The following WWOX variants were observed in gnomAD, a reference collection of about 807,000 sequenced individuals.
The protein encoded by WWOX is WW domain-containing oxidoreductase.
In WWOX, 69 loss-of-function variants were observed where a neutral mutation model predicts 46.2. The ratio of observed to expected loss-of-function variants is 1.49; its 90% CI spans 1.23 to 1.82. The LOEUF is 1.82. Among genes scored for constraint, WWOX ranks in the 40% most tolerant of loss-of-function variants. The probability of loss-of-function intolerance (pLI) is 0.00; values close to 1 mark genes in which losing one functional copy is unlikely to be tolerated. For synonymous variants in WWOX, 359 were observed against 202.6 expected, an observed-to-expected ratio of 1.77 and a Z score of -6.56; for missense variants, 919 against 542.6, an observed-to-expected ratio of 1.69 and a Z score of -6.89.
intron 8 of WWOX, among the ~76,000 whole-genome samples, chr16:78,807,633 G>A (rs1316686729): frequency 2.0e-5 from 3 of 152,194 alleles, no homozygotes; most frequent in Non-Finnish European, 4.4e-5. Context: ...ATGGCTTATG[G>A]AAAGAAATAT....
intron 8 of WWOX, among the ~76,000 whole-genome samples, chr16:79,052,657 G>A (rs555747794): frequency 2.9e-4 from 44 of 152,266 alleles, no homozygotes; most frequent in African/African-American, 8.2e-4. Flanking sequence ...AATGGAAACC[G>A]GACACAGCAG....
intron 8 of WWOX, among the ~76,000 whole-genome samples, chr16:78,583,922 T>G (rs1230465175): frequency 2.0e-5 from 3 of 152,334 alleles, no homozygotes; most frequent in African/African-American, 7.2e-5. Context: ...CTCACAAAAC[T>G]GCTATGTGAC....
intron 8 of WWOX, among the ~76,000 whole-genome samples, chr16:79,050,095 T>C (rs2048138154): frequency 6.6e-6 from 1 of 152,146 alleles, no homozygotes; most frequent in Non-Finnish European, 1.5e-5. Flanking sequence ...AGTGACTTGG[T>C]TGCTGCTGCT....
Position 79,212,638 on chromosome 16 carries a change from T to C in WWOX, c.*842T>C, listed in dbSNP as rs391870. 0.56 allele frequency: 86,585 copies of C among 153,516 alleles called. 25,209 individuals are homozygous for C. Among genetic ancestry groups the C allele is most frequent in the Non-Finnish European group, 0.61 (42,367 of 68,938 alleles). 9.5% of individuals were successfully genotyped at this position (153,516 alleles called of 1,614,324 possible). ...ACCTCCTGCTGTGCCTCGCATCCTA[T>C]GCTTAATAAAAGAACATGCTTGAAT... On this transcript the variant is annotated 3_prime_UTR_variant, in exon 9 of 9. Coordinates refer to ENST00000566780, the MANE Select transcript of WWOX (RefSeq NM_016373.4).
intron 8 of WWOX, among the ~76,000 whole-genome samples, chr16:78,974,732 C>A (rs8055295): frequency 6.6e-6 from 1 of 151,908 alleles, no homozygotes; most frequent in African/African-American, 2.4e-5. Flanking sequence ...AACCCCAAGA[C>A]CCACACTTGG....
intron 5 of WWOX, among the ~76,000 whole-genome samples, chr16:78,239,455 C>A (rs2037555426): frequency 6.6e-6 from 1 of 152,146 alleles, no homozygotes; most frequent in Admixed American, 6.5e-5. Flanking sequence ...GTGTTATTGT[C>A]AAGGGATCTT....
chr16:78,680,235 C>G (rs1434803333), intron 8 of WWOX, among the ~76,000 whole-genome samples: 1 of 152,050 alleles, frequency 6.6e-6, no homozygotes, highest in Non-Finnish European at 1.5e-5. Context: ...CATAACGAGA[C>G]CCGTCTCTGC....
At chr16:78,330,347 A>G (rs1449077188) in intron 5 of WWOX, among the ~76,000 whole-genome samples, 2 of 152,196 alleles carry the variant, frequency 1.3e-5, no homozygotes, top group African/African-American at 2.4e-5. Flanking sequence ...CCAAAGCTCT[A>G]TGTAAATGTC....
chr16:78,596,838 G>T (rs2045503079), intron 8 of WWOX, among the ~76,000 whole-genome samples: 1 of 152,080 alleles, frequency 6.6e-6, no homozygotes, highest in African/African-American at 2.4e-5. Flanking sequence ...TGTGATCTCA[G>T]CAGTGATGGG....
At chr16:78,608,906 C>G (rs2045830469) in intron 8 of WWOX, among the ~76,000 whole-genome samples, 1 of 152,170 alleles carries the variant, frequency 6.6e-6, no homozygotes, top group Non-Finnish European at 1.5e-5. Flanking sequence ...ACCTCGGAAA[C>G]TTCCTATATG....
intron 5 of WWOX, among the ~76,000 whole-genome samples, chr16:78,290,548 G>C (rs1304532297): frequency 1.3e-5 from 2 of 152,142 alleles, no homozygotes; most frequent in East Asian, 1.9e-4. Context: ...TTTATGAAGA[G>C]AGTGTAGAGT....
At chr16:78,930,552 A>C (rs76254701) in intron 8 of WWOX, among the ~76,000 whole-genome samples, 6,218 of 150,518 alleles carry the variant, frequency 0.041, 178 homozygotes, top group Middle Eastern at 0.066. Flanking sequence ...CAGCCTCCCA[A>C]AGTGCTGGGA....
intron 8 of WWOX, among the ~76,000 whole-genome samples, chr16:78,670,082 C>T (rs1440016878): frequency 2.0e-5 from 3 of 152,058 alleles, no homozygotes; most frequent in East Asian, 1.9e-4. Context: ...TTCCTGTTCC[C>T]GGCCGCCCCC....
intron 8 of WWOX, among the ~76,000 whole-genome samples, chr16:79,048,284 C>G (rs1008493520): frequency 6.6e-6 from 1 of 152,082 alleles, no homozygotes; most frequent in South Asian, 2.1e-4. Flanking sequence ...ACCTCTCCAT[C>G]CTTGCAAAGC....
At chr16:78,615,926 A>G (rs902971698) in intron 8 of WWOX, among the ~76,000 whole-genome samples, 1 of 151,862 alleles carries the variant, frequency 6.6e-6, no homozygotes, top group Non-Finnish European at 1.5e-5. Context: ...AATTTTTTGT[A>G]TTTTTAGTAG....
chr16:78,379,769 A>G (rs2081914218), intron 5 of WWOX, among the ~76,000 whole-genome samples: 1 of 152,288 alleles, frequency 6.6e-6, no homozygotes, highest in Admixed American at 6.5e-5. Context: ...ATTAACAATG[A>G]TTGTAAAGTA....
chr16:78,422,934 G>A (rs572524429), intron 6 of WWOX, among the ~76,000 whole-genome samples: 3 of 149,434 alleles, frequency 2.0e-5, no homozygotes, highest in Admixed American at 6.7e-5. Flanking sequence ...TGCCCAGGCT[G>A]GGGTGCAGTG....
chr16:79,026,793 T>TA (rs1362533306), intron 8 of WWOX, among the ~76,000 whole-genome samples: 2 of 148,376 alleles, frequency 1.3e-5, no homozygotes, highest in African/African-American at 5.0e-5. Context: ...AATTTTTTTT[T>TA]TTTTTTTTGG....
intron 4 of WWOX, among the ~76,000 whole-genome samples, chr16:78,154,919 C>A (rs543867744): frequency 6.6e-6 from 1 of 152,240 alleles, no homozygotes; most frequent in Admixed American, 6.5e-5. Context: ...GTGCACTGAG[C>A]ATCAAGTGCC....
Sources: gnomAD v4.1 joint callset for allele counts (sites outside exome capture counted in the v4.1 genomes callset) on GRCh38, gnomAD v4.1.1 for gene constraint, MANE v1.5 for transcripts, NCBI Gene and HGNC (gene_info 2026-07-23, HGNC 2026-07-21) for gene names.